PLA2G6: variants seen among roughly 807,000 people sequenced by gnomAD.
PLA2G6 encodes phospholipase A2 group VI, also known as 85/88 kDa calcium-independent phospholipase A2.
Under a neutral mutation model 83.8 loss-of-function variants are expected in PLA2G6, and 62 were observed. The ratio of observed to expected loss-of-function variants is 0.74; its 90% CI spans 0.60 to 0.91. The LOEUF (loss-of-function observed/expected upper bound fraction) is 0.91. Among genes scored for constraint, PLA2G6 ranks in the 40% least tolerant of loss-of-function variants. The pLI is 0.00. For synonymous variants in PLA2G6, 417 were observed against 449.8 expected (o/e 0.93, Z 0.92); for missense variants, 944 against 1,102.0 (o/e 0.86, Z 2.03).
At chr22:38,112,326 G>A (rs2086913746) in intron 16 of PLA2G6, 21 bp from the exon 17 acceptor site, 1 of 1,611,850 alleles carries the variant, frequency 6.2e-7, no homozygotes, top group Non-Finnish European at 8.5e-7. Flanking sequence ...CAGGGAGGAG[G>A]GGGTCACCCT....
At chr22:38,168,117 T>C (rs971776456) in intron 2 of PLA2G6, 1 of 160,302 alleles carries the variant, frequency 6.2e-6, no homozygotes, top group Non-Finnish European at 1.5e-5. Context: ...AGGGGTGCTA[T>C]GACGCCTGTT....
chr22:38,119,943 T>C (rs1157389845), intron 12 of PLA2G6, among the ~76,000 whole-genome samples: 2 of 151,298 alleles, frequency 1.3e-5, no homozygotes, highest in South Asian at 2.1e-4. Flanking sequence ...AACAAAAACC[T>C]AGAAACACCA....
rs1405861770 is a variant in PLA2G6, at chr22:38,132,785, T to C, written c.1077+46A>G. The C allele has an allele frequency of 6.6e-7, 1 of 1,509,634 alleles. No homozygotes were observed. The highest frequency in any genetic ancestry group is 1.4e-5 in the African/African-American group (1 of 72,574). 93.5% of individuals were successfully genotyped at this position (1,509,634 alleles called of 1,614,324 possible). A position where few individuals can be genotyped will look rare whatever the true frequency, so the allele number is the denominator to read the frequency against. Reference sequence around the variant, plus strand: ...CTCCAGTCCGGACAGCCCTCCTGCATTCCCACCGGGGCCCCACAGGGCAGG... The same window carrying C: ...CTCCAGTCCGGACAGCCCTCCTGCACTCCCACCGGGGCCCCACAGGGCAGG... On this transcript the variant is annotated intron_variant, in intron 7 of 16. Transcript: ENST00000332509. This position sits in a 1 kb window ranked among gnomAD's most constrained non-coding sequence, Gnocchi z 5.0.
intron 12 of PLA2G6, among the ~76,000 whole-genome samples, chr22:38,117,108 A>AACTC (rs140101268): frequency 6.6e-6 from 1 of 151,706 alleles, no homozygotes; most frequent in Admixed American, 6.6e-5. Context: ...ATTCAAAATA[A>AACTC]ACTATTATAC....
chr22:38,131,467 A>G (rs967941442), intron 7 of PLA2G6: 1 of 152,228 alleles, frequency 6.6e-6, no homozygotes, highest in Non-Finnish European at 1.5e-5. Context: ...ATATAGATAA[A>G]GAAAATCCAG....
Position 38,112,054 on chromosome 22 carries a change from T to C in PLA2G6, c.*107A>G, listed in dbSNP as rs2086893978. 3.8e-6 allele frequency: 5 copies of C among 1,332,238 alleles called. No individual in the cohort carries two copies. Among genetic ancestry groups the C allele is most frequent in the Middle Eastern group, 2.5e-4 (1 of 4,026 alleles). The allele number at this position is 1,332,238 out of a possible 1,614,324, so 82.5% of individuals were successfully genotyped here. A position where few individuals can be genotyped will look rare whatever the true frequency, so the allele number is the denominator to read the frequency against. Reference sequence around the variant, plus strand: ...ATTCTCCCAGGCCTGGTCTATGGACTCAGAGGTGCCTGGGCCCAGATCTGC... The same window carrying C: ...ATTCTCCCAGGCCTGGTCTATGGACCCAGAGGTGCCTGGGCCCAGATCTGC... On this transcript the variant is annotated 3_prime_UTR_variant, in exon 17 of 17. Transcript: ENST00000332509.
chr22:38,148,872 T>C (rs1263523733), intron 2 of PLA2G6: 3 of 119,114 alleles, frequency 2.5e-5, no homozygotes, highest in Non-Finnish European at 3.3e-5. Flanking sequence ...TTTTTTTTTT[T>C]TTTTTTTTTT....
chr22:38,143,261 C>T lies in PLA2G6; in HGVS notation c.453G>A (p.Glu151=). ...ISCANCAENE[E]GCTPLHLACR... ...AGGCCAGGTGCAGGGGTGTGCAGCC[C>T]TCCTCGTTCTCCGCGCAATTGGCAC... Residue 151 remains glutamate (E), a synonymous_variant, in exon 4 of 17, where the codon GAG becomes GAA. Coordinates refer to ENST00000332509, the MANE Select transcript of PLA2G6 (RefSeq NM_003560.4). 1 of 1,613,466 alleles carries T rather than the reference C, an allele frequency of 6.2e-7. No individual in the cohort carries two copies. Among genetic ancestry groups the T allele is most frequent in the Non-Finnish European group, 8.5e-7 (1 of 1,180,032 alleles).
chr22:38,120,238 T>A (rs990528241), intron 12 of PLA2G6, among the ~76,000 whole-genome samples: 1 of 152,212 alleles, frequency 6.6e-6, no homozygotes, highest in Non-Finnish European at 1.5e-5. Flanking sequence ...TTAGTTCAAG[T>A]CTTGTAGGCC....
chr22:38,113,023 C>G (rs565021899), intron 15 of PLA2G6, among the ~76,000 whole-genome samples: 1 of 152,300 alleles, frequency 6.6e-6, no homozygotes, highest in Admixed American at 6.5e-5. Flanking sequence ...CCTCCCACCT[C>G]AGCCTCCTGA....
intron 5 of PLA2G6, 69 bp downstream of exon 5, chr22:38,139,913 G>A (rs186394309): frequency 2.2e-5 from 29 of 1,290,994 alleles, no homozygotes; most frequent in South Asian, 1.0e-4. Flanking sequence ...GCTTGCCTCA[G>A]GCACGGGACA....
chr22:38,166,615 G>A (rs970118225), intron 2 of PLA2G6, among the ~76,000 whole-genome samples: 6 of 152,136 alleles, frequency 3.9e-5, no homozygotes, highest in Non-Finnish European at 8.8e-5. Flanking sequence ...TGTAGTCTCA[G>A]CTACTCGGGA....
Position 38,145,584 on chromosome 22 carries a change from G to C in PLA2G6, c.279C>G (p.Pro93=). 1 of 1,613,906 alleles carries C rather than the reference G, an allele frequency of 6.2e-7. No homozygotes were observed. ...NFHQYSSQLL[P]FYESSPQVLH... The stretch of plus-strand genomic sequence containing the variant: ...GGACCTGAGGGGAGCTCTCATAGAA[G>C]GGTAGCAGCTGGGAAGAATACTGAT... The change falls in exon 3 of 17, where the codon CCC becomes CCG. Residue 93 remains proline, a synonymous_variant. Coordinates refer to ENST00000332509, the MANE Select transcript of PLA2G6 (RefSeq NM_003560.4).
Position 38,128,059 on chromosome 22 carries a change from C to T in PLA2G6, c.1348+210G>A. 1.7e-6 allele frequency: 1 copy of T among 595,858 alleles called. No individual in the cohort carries two copies. The highest frequency in any genetic ancestry group is 3.0e-6 in the Non-Finnish European group (1 of 334,020). 36.9% of individuals were successfully genotyped at this position (595,858 alleles called of 1,614,324 possible). On this transcript the variant is annotated intron_variant, in intron 9 of 16. Transcript: ENST00000332509. The surrounding 1 kb of genome is among the most constrained non-coding windows in gnomAD (Gnocchi z 4.4). Reference sequence around the variant, plus strand: ...TGTGCAGGACACATCCTCTCAGGGGCAACGGAGCATGGGACATCAGCCAGG... The same window carrying T: ...TGTGCAGGACACATCCTCTCAGGGGTAACGGAGCATGGGACATCAGCCAGG...
rs374335086 is a variant in PLA2G6 at position 38,132,731 on chromosome 22, C to T, written c.1077+100G>A. 28 of 1,070,312 alleles carry T rather than the reference C, an allele frequency of 2.6e-5. No individual in the cohort carries two copies. The highest frequency in any genetic ancestry group is 2.6e-4 in the South Asian group (18 of 69,072). 66.3% of individuals were successfully genotyped at this position (1,070,312 alleles called of 1,614,324 possible). On this transcript the variant is annotated intron_variant, in intron 7 of 16. Coordinates refer to ENST00000332509, the MANE Select transcript of PLA2G6 (RefSeq NM_003560.4). The surrounding 1 kb of genome is among the most constrained non-coding windows in gnomAD (Gnocchi z 5.0). ...TGGGAAGATGATTTGGAGCAGCTGACGATAGGAGGGAGACAGTGGGGAGGA... is the reference window on the plus strand; with the variant it reads ...TGGGAAGATGATTTGGAGCAGCTGATGATAGGAGGGAGACAGTGGGGAGGA...
intron 2 of PLA2G6, among the ~76,000 whole-genome samples, chr22:38,157,581 A>C (rs1011282474): frequency 2.6e-5 from 4 of 152,244 alleles, no homozygotes; most frequent in Non-Finnish European, 5.9e-5. Context: ...AACAGAGGAG[A>C]GAAAACTTCC....
rs190969109 is a variant in PLA2G6 at position 38,177,502 on chromosome 22, G to A, written c.-46+4162C>T. Among the ~76,000 whole-genome samples, 24 of 126,398 alleles carry A rather than the reference G, an allele frequency of 1.9e-4. No individual in the cohort carries two copies. The East Asian group carries it at 4.0e-3, about 21-fold the overall frequency. 82.9% of individuals were successfully genotyped at this position (126,398 alleles called of 152,430 possible). ...TTTGAGACAGAGTTTCACTCTTGTTGCCCAAGCTGGAGTGCAATGGCGTGA... is the reference window on the plus strand; with the variant it reads ...TTTGAGACAGAGTTTCACTCTTGTTACCCAAGCTGGAGTGCAATGGCGTGA... On this transcript the variant is annotated intron_variant, in intron 1 of 16. Coordinates refer to ENST00000332509, the MANE Select transcript of PLA2G6 (RefSeq NM_003560.4).
Position 38,113,598 on chromosome 22 carries a change from C to A in PLA2G6, c.2091G>T (p.Arg697Ser). The change falls in exon 15 of 17, where the codon AGG (arginine) becomes AGT (serine). Residue 697 changes from arginine (R) to serine (S), a missense_variant. Physicochemically the swap from Arg to Ser is moderately radical, Grantham distance 110. Coordinates refer to ENST00000332509, the MANE Select transcript of PLA2G6 (RefSeq NM_003560.4). ...CACAGGTCACAGGCACTTGTGGGGA[C>A]CTCCCTGTCCCCAGGGAGACAACGA... Reference protein sequence around the residue: ...LSIVVSLGTGRSPQVPVTCVD... With the variant: ...LSIVVSLGTGSSPQVPVTCVD... The A allele has an allele frequency of 6.2e-7, 1 of 1,613,582 alleles. No individual in the cohort carries two copies. The highest frequency in any genetic ancestry group is 1.7e-5 in the Admixed American group (1 of 60,024).
chr22:38,173,523 G>A (rs1398045706), intron 1 of PLA2G6, among the ~76,000 whole-genome samples: 4 of 152,088 alleles, frequency 2.6e-5, no homozygotes, highest in East Asian at 1.9e-4. Flanking sequence ...TGGTGCCCCT[G>A]CTGAGGGAAG....
Sources: allele counts gnomAD v4.1 joint callset (sites outside exome capture counted in the v4.1 genomes callset), GRCh38; gene constraint gnomAD v4.1.1; non-coding constraint Gnocchi (gnomAD v3.1); transcripts MANE v1.5; gene names NCBI Gene and HGNC (gene_info 2026-07-23, HGNC 2026-07-21).